The following CMPK1 variants were observed in gnomAD, a reference collection of about 807,000 sequenced individuals.
CMPK1 encodes cytidine/uridine monophosphate kinase 1.
A neutral mutation model predicts 25.7 loss-of-function variants in CMPK1; 10 were observed. The observed-to-expected ratio is 0.39, with a 90% CI of 0.24 to 0.66. The LOEUF (loss-of-function observed/expected upper bound fraction) is 0.66. Ranked by LOEUF, CMPK1 falls within the 30% of genes least tolerant of loss-of-function variation. The probability of loss-of-function intolerance (pLI) is 0.48; values close to 1 mark genes in which losing one functional copy is unlikely to be tolerated. For synonymous variants in CMPK1, 106 were observed against 101.5 expected (o/e 1.04, Z -0.27); for missense variants, 199 against 280.5 (o/e 0.71, Z 2.08).
At chr1:47,334,535 T>C (rs1646381890) in intron 1 of CMPK1, among the ~76,000 whole-genome samples, 1 of 152,238 alleles carries the variant, frequency 6.6e-6, no homozygotes, top group African/African-American at 2.4e-5. Flanking sequence ...CACAGTTGTC[T>C]GAAGGAGAGA....
chr1:47,352,979 A>G (rs765562216), intron 1 of CMPK1, among the ~76,000 whole-genome samples: 36 of 152,228 alleles, frequency 2.4e-4, no homozygotes, highest in Non-Finnish European at 4.6e-4. Context: ...AAGCCAAATG[A>G]TGATTTCTCT....
chr1:47,372,454 A>G (rs571544683), intron 2 of CMPK1, among the ~76,000 whole-genome samples: 1 of 152,344 alleles, frequency 6.6e-6, no homozygotes, highest in South Asian at 2.1e-4. Flanking sequence ...CTTGAATTAT[A>G]TGAATAGCAG....
At chr1:47,368,819 T>G (rs113094781) in intron 2 of CMPK1, among the ~76,000 whole-genome samples, 61 of 152,160 alleles carry the variant, frequency 4.0e-4, no homozygotes, top group Admixed American at 1.6e-3. Context: ...TAAAAAGCCA[T>G]GCGTGGTGGC....
intron 1 of CMPK1, among the ~76,000 whole-genome samples, chr1:47,345,953 C>T (rs2149326707): frequency 6.6e-6 from 1 of 151,340 alleles, no homozygotes; most frequent in South Asian, 2.1e-4. Flanking sequence ...TGGGGATTCA[C>T]CATGTTGGTT....
At chr1:47,362,589 A>G (rs1646611389) in intron 1 of CMPK1, among the ~76,000 whole-genome samples, 1 of 152,220 alleles carries the variant, frequency 6.6e-6, no homozygotes, top group African/African-American at 2.4e-5. Flanking sequence ...AGTAGCTGGG[A>G]TTACAGGCAC....
chr1:47,338,509 T>TCCCTCTC, intron 1 of CMPK1, among the ~76,000 whole-genome samples: 1 of 106,712 alleles, frequency 9.4e-6, no homozygotes, highest in Non-Finnish European at 2.2e-5. Flanking sequence ...CCTTCCTTCC[T>TCCCTCTC]TCCTTCCCTC....
chr1:47,345,491 A>C, intron 1 of CMPK1, among the ~76,000 whole-genome samples: 1 of 139,164 alleles, frequency 7.2e-6, no homozygotes, highest in Non-Finnish European at 1.6e-5. Flanking sequence ...GTAGCAATTT[A>C]ATTTCTTTTT....
chr1:47,342,649 C>CTTTTTTTTTTTTTT (rs11334963), intron 1 of CMPK1, among the ~76,000 whole-genome samples: 1 of 116,416 alleles, frequency 8.6e-6, no homozygotes, highest in Non-Finnish European at 1.8e-5. Context: ...TCTCTTTTTT[C>CTTTTTTTTTTTTTT]TTTTTTTTTT....
Position 47,373,017 on chromosome 1 carries a change from A to C in CMPK1, c.381A>C (p.Pro127=). ...QKNKFLIDGF[P]RNQDNLQGWN... is the part of the protein sequence containing the mutation. ...ATAAATTCTTGATTGATGGGTTTCC[A>C]AGAAATCAAGACAACCTTCAAGGAT... Residue 127 remains proline, a synonymous_variant, in exon 3 of 6, where the codon CCA becomes CCC. Coordinates refer to ENST00000371873, the MANE Select transcript of CMPK1 (RefSeq NM_016308.3). 1 of 1,613,514 alleles carries C rather than the reference A, an allele frequency of 6.2e-7. No individual in the cohort carries two copies. The highest frequency in any genetic ancestry group is 8.5e-7 in the Non-Finnish European group (1 of 1,179,654).
intron 1 of CMPK1, among the ~76,000 whole-genome samples, chr1:47,337,388 G>A (rs1436958589): frequency 6.6e-6 from 1 of 152,082 alleles, no homozygotes; most frequent in Non-Finnish European, 1.5e-5. Flanking sequence ...TTTTAAACTT[G>A]TTAATTATCA....
intron 1 of CMPK1, among the ~76,000 whole-genome samples, chr1:47,339,060 T>A (rs939670913): frequency 9.2e-5 from 14 of 151,774 alleles, no homozygotes. Flanking sequence ...TTTTTTTTTT[T>A]TTTGAGAGAG....
At chr1:47,370,171 C>A (rs1411619407) in intron 2 of CMPK1, among the ~76,000 whole-genome samples, 4 of 151,414 alleles carry the variant, frequency 2.6e-5, no homozygotes, top group African/African-American at 9.7e-5. Context: ...CCCGCTTGGG[C>A]CTCCCAAAGT....
At chr1:47,364,612 C>T (rs2149332451) in intron 1 of CMPK1, among the ~76,000 whole-genome samples, 1 of 148,582 alleles carries the variant, frequency 6.7e-6, no homozygotes, top group Admixed American at 6.7e-5. Flanking sequence ...CCACCATGCC[C>T]AGCCATATAT....
intron 2 of CMPK1, among the ~76,000 whole-genome samples, chr1:47,370,511 C>T (rs1168202836): frequency 6.6e-6 from 1 of 151,054 alleles, no homozygotes; most frequent in Non-Finnish European, 1.5e-5. Flanking sequence ...TGTGGTGGCA[C>T]ACACCTGTAA....
chr1:47,344,067 T>TA (rs34326568), intron 1 of CMPK1, among the ~76,000 whole-genome samples: 40,123 of 141,296 alleles, frequency 0.28, 5,677 homozygotes, highest in Non-Finnish European at 0.33. Context: ...GACCATGTCT[T>TA]AAAAAAAAAA....
At chr1:47,349,373 T>C (rs1003216230) in intron 1 of CMPK1, among the ~76,000 whole-genome samples, 1 of 152,196 alleles carries the variant, frequency 6.6e-6, no homozygotes. Context: ...AGTCAGCTTA[T>C]CTCAATTTCC....
chr1:47,340,837 A>G (rs981141013), intron 1 of CMPK1, among the ~76,000 whole-genome samples: 1 of 152,064 alleles, frequency 6.6e-6, no homozygotes, highest in Non-Finnish European at 1.5e-5. Flanking sequence ...GGGTTTCTCC[A>G]TGTTGGTCAG....
At chr1:47,346,514 T>C (rs531627979) in intron 1 of CMPK1, among the ~76,000 whole-genome samples, 1 of 152,140 alleles carries the variant, frequency 6.6e-6, no homozygotes, top group East Asian at 1.9e-4. Flanking sequence ...CTTTTTTTTT[T>C]CTTTTTTGAG....
rs558599072 is a variant in CMPK1 at position 47,345,659 on chromosome 1, A to G, written c.171+11543A>G. On this transcript the variant is annotated intron_variant, in intron 1 of 5. Transcript: ENST00000371873. ...CAGGTGCCCACCACCACGCCCGGCTAATTTTTTGTATTTTTAGTCAATCTC... is the reference window on the plus strand; with the variant it reads ...CAGGTGCCCACCACCACGCCCGGCTGATTTTTTGTATTTTTAGTCAATCTC... Among the ~76,000 whole-genome samples, 555 of 151,422 alleles carry G rather than the reference A, an allele frequency of 3.7e-3. 3 individuals carry two copies. Among genetic ancestry groups the G allele is most frequent in the Non-Finnish European group, 5.6e-3 (378 of 67,826 alleles).
Sources: gnomAD v4.1 joint callset for allele counts (sites outside exome capture counted in the v4.1 genomes callset) on GRCh38, gnomAD v4.1.1 for gene constraint, MANE v1.5 for transcripts, NCBI Gene and HGNC (gene_info 2026-07-23, HGNC 2026-07-21) for gene names.